Variants in KCNIP4 observed in about 807,000 individuals in gnomAD.
The protein encoded by KCNIP4 is potassium voltage-gated channel interacting protein 4, also known as Kv channel-interacting protein 4.
KCNIP4 carries 12 observed loss-of-function variants against 34.0 expected under a neutral mutation model. The ratio of observed to expected loss-of-function variants is 0.35; its 90% CI spans 0.23 to 0.57. The LOEUF is 0.57. Ranked by LOEUF, KCNIP4 falls within the 20% of genes least tolerant of loss-of-function variation. The probability of loss-of-function intolerance (pLI) is 0.83; values close to 1 mark genes in which losing one functional copy is unlikely to be tolerated. For missense variants in KCNIP4, 238 were observed against 311.7 expected (o/e 0.76, Z 1.78); for synonymous variants, 124 against 102.2 (o/e 1.21, Z -1.29).
chr4:21,893,075 G>C (rs563976859), intron 1 of KCNIP4, among the ~76,000 whole-genome samples: 13 of 152,240 alleles, frequency 8.5e-5, no homozygotes, highest in African/African-American at 3.1e-4. Context: ...GTAACCTAAT[G>C]CATTTAGATA....
intron 1 of KCNIP4, among the ~76,000 whole-genome samples, chr4:21,853,863 C>T (rs1724577663): frequency 6.6e-6 from 1 of 152,208 alleles, no homozygotes; most frequent in African/African-American, 2.4e-5. Context: ...GTTTATTCAT[C>T]TGTCAAATAA....
chr4:21,007,814 G>A (rs1420415639), intron 1 of KCNIP4, among the ~76,000 whole-genome samples: 5 of 152,112 alleles, frequency 3.3e-5, no homozygotes, highest in Admixed American at 2.0e-4. Context: ...AGAAACCAAC[G>A]GAGAGTCATC....
intron 1 of KCNIP4, among the ~76,000 whole-genome samples, chr4:21,879,454 G>A (rs1397013642): frequency 6.6e-6 from 1 of 152,204 alleles, no homozygotes; most frequent in Non-Finnish European, 1.5e-5. Flanking sequence ...GCCCCCTTCA[G>A]GCAAGCCTGA....
At chr4:21,154,654 A>G (rs572546580) in intron 1 of KCNIP4, among the ~76,000 whole-genome samples, 86 of 152,360 alleles carry the variant, frequency 5.6e-4, no homozygotes, top group Non-Finnish European at 9.7e-4. Flanking sequence ...CTTCCCAATT[A>G]AATATTCCAT....
intron 6 of KCNIP4, 43 bp from the exon 7 acceptor site, chr4:20,732,828 G>A: frequency 8.6e-7 from 1 of 1,164,254 alleles, no homozygotes; most frequent in Non-Finnish European, 1.3e-6. Context: ...ACACATGTAT[G>A]AAGAAACCAG....
intron 1 of KCNIP4, among the ~76,000 whole-genome samples, chr4:21,214,296 G>A (rs771730207): frequency 7.2e-5 from 11 of 152,264 alleles, no homozygotes; most frequent in African/African-American, 1.4e-4. Context: ...ATCTCCTTCA[G>A]GAAATCCACA....
At chr4:20,880,158 TG>T (rs1724513660) in intron 2 of KCNIP4, among the ~76,000 whole-genome samples, 1 of 152,202 alleles carries the variant, frequency 6.6e-6, no homozygotes, top group Non-Finnish European at 1.5e-5. Flanking sequence ...TATACATTGA[TG>T]GGAAAAAAGA....
At chr4:20,804,322 C>A (rs1714788302) in intron 3 of KCNIP4, among the ~76,000 whole-genome samples, 1 of 152,120 alleles carries the variant, frequency 6.6e-6, no homozygotes, top group Non-Finnish European at 1.5e-5. Flanking sequence ...TTATAATGTT[C>A]TTTTTATCCC....
intron 1 of KCNIP4, among the ~76,000 whole-genome samples, chr4:21,318,739 G>A (rs1410392628): frequency 6.6e-6 from 1 of 151,988 alleles, no homozygotes; most frequent in Non-Finnish European, 1.5e-5. Flanking sequence ...ATTTGTTAAA[G>A]AGCCTGAGCA....
intron 1 of KCNIP4, among the ~76,000 whole-genome samples, chr4:21,029,745 C>G (rs1740844983): frequency 6.6e-6 from 1 of 152,136 alleles, no homozygotes; most frequent in Non-Finnish European, 1.5e-5. Flanking sequence ...TGTTGAGCAT[C>G]ATTATGGAAG....
chr4:21,586,132 T>C (rs2109082610), intron 1 of KCNIP4, among the ~76,000 whole-genome samples: 1 of 152,212 alleles, frequency 6.6e-6, no homozygotes, highest in South Asian at 2.1e-4. Context: ...ACATAAATGT[T>C]GGGACAAAAA....
intron 5 of KCNIP4, among the ~76,000 whole-genome samples, chr4:20,739,854 T>G (rs1447117020): frequency 6.6e-6 from 1 of 152,090 alleles, no homozygotes; most frequent in Non-Finnish European, 1.5e-5. Context: ...GAGAAAAGAT[T>G]AGACGAATGG....
At chr4:21,381,694 T>C (rs886277375) in intron 1 of KCNIP4, among the ~76,000 whole-genome samples, 86 of 152,324 alleles carry the variant, frequency 5.6e-4, no homozygotes, top group African/African-American at 2.0e-3. Context: ...TTTATAATCA[T>C]TATAACCATG....
intron 1 of KCNIP4, among the ~76,000 whole-genome samples, chr4:21,512,349 T>G (rs1332667046): frequency 6.6e-6 from 1 of 152,178 alleles, no homozygotes; most frequent in Admixed American, 6.5e-5. Context: ...ATACTATTAC[T>G]CCTTTAATTT....
At chr4:20,967,148 G>T (rs1734432609) in intron 1 of KCNIP4, among the ~76,000 whole-genome samples, 1 of 152,164 alleles carries the variant, frequency 6.6e-6, no homozygotes, top group African/African-American at 2.4e-5. Flanking sequence ...AGGGAAGTTT[G>T]AATGAGCTTT....
At chr4:21,700,429 T>C (rs112062411) in intron 1 of KCNIP4, among the ~76,000 whole-genome samples, 4,071 of 152,270 alleles carry the variant, frequency 0.027, 159 homozygotes, top group African/African-American at 0.091. Context: ...CTTTTTAAAA[T>C]GCATTATTTG....
chr4:21,710,473 C>T (rs1305250912), intron 1 of KCNIP4, among the ~76,000 whole-genome samples: 1 of 152,154 alleles, frequency 6.6e-6, no homozygotes, highest in Non-Finnish European at 1.5e-5. Context: ...GTACTGTAAC[C>T]GAAAACCACC....
At chr4:20,945,827 C>T (rs1732136634) in intron 1 of KCNIP4, among the ~76,000 whole-genome samples, 2 of 152,108 alleles carry the variant, frequency 1.3e-5, no homozygotes, top group African/African-American at 2.4e-5. Context: ...AGATGATGTT[C>T]GATTTGGGGA....
At chr4:20,800,736 G>A (rs917442099) in intron 3 of KCNIP4, among the ~76,000 whole-genome samples, 9 of 152,000 alleles carry the variant, frequency 5.9e-5, no homozygotes, top group African/African-American at 1.7e-4. Context: ...TGACTTAGAG[G>A]AAACAAAAGA....
Sources: gnomAD v4.1 joint callset for allele counts (sites outside exome capture counted in the v4.1 genomes callset) on GRCh38, gnomAD v4.1.1 for gene constraint, MANE v1.5 for transcripts, NCBI Gene and HGNC (gene_info 2026-07-23, HGNC 2026-07-21) for gene names.